NRG1: variants seen among roughly 807,000 people sequenced by gnomAD.
The protein encoded by NRG1 is pro-neuregulin-1, membrane-bound isoform.
In NRG1, 18 loss-of-function variants were observed where a neutral mutation model predicts 63.8. That is an observed-to-expected ratio of 0.28 (90% CI 0.19 to 0.42). NRG1 has a LOEUF of 0.42. NRG1 is among the 10% of genes least tolerant of loss of function. NRG1 has a pLI of 1.00. For missense variants in NRG1, 762 were observed against 814.7 expected, an observed-to-expected ratio of 0.94 and a Z score of 0.79; for synonymous variants, 302 against 301.3, an observed-to-expected ratio of 1.00 and a Z score of -0.02.
intron 5 of NRG1, among the ~76,000 whole-genome samples, chr8:32,617,608 A>G (rs749047907): frequency 2.0e-5 from 3 of 152,240 alleles, no homozygotes; most frequent in Non-Finnish European, 4.4e-5. Flanking sequence ...AGGGGAGTTT[A>G]TCAAACCTTG....
chr8:31,739,233 C>A (rs78090045), intron 1 of NRG1, among the ~76,000 whole-genome samples: 1 of 151,960 alleles, frequency 6.6e-6, no homozygotes. Flanking sequence ...GGTCTTCACG[C>A]GGCAAACCAA....
At chr8:32,772,828 T>TAAGAATAAGTA (rs1831897286), downstream of NRG1, among the ~76,000 whole-genome samples, 1 of 152,176 alleles carries the variant, frequency 6.6e-6, no homozygotes, top group Admixed American at 6.5e-5. Flanking sequence ...AGAGAGAAAA[T>TAAGAATAAGTA]GCTGTGCATG....
chr8:32,173,771 A>G (rs1039914257), intron 1 of NRG1, among the ~76,000 whole-genome samples: 1 of 152,186 alleles, frequency 6.6e-6, no homozygotes, highest in African/African-American at 2.4e-5. Flanking sequence ...TAAAGGGATC[A>G]ATTCAACAAG....
chr8:32,245,283 G>A (rs1447695268), intron 1 of NRG1, among the ~76,000 whole-genome samples: 1 of 152,130 alleles, frequency 6.6e-6, no homozygotes, highest in African/African-American at 2.4e-5. Flanking sequence ...ATTTTTCAGT[G>A]ACATCAAGTT....
At chr8:32,474,134 A>G (rs1422774980) in intron 1 of NRG1, among the ~76,000 whole-genome samples, 3 of 152,250 alleles carry the variant, frequency 2.0e-5, no homozygotes, top group African/African-American at 7.2e-5. Flanking sequence ...GCACTCATAT[A>G]AATTTTGATG....
At chr8:32,202,911 A>G (rs887007542) in intron 1 of NRG1, among the ~76,000 whole-genome samples, 5 of 151,476 alleles carry the variant, frequency 3.3e-5, no homozygotes, top group Non-Finnish European at 4.4e-5. Context: ...CAAAAACAGG[A>G]ATGCCTGTTC....
intron 1 of NRG1, among the ~76,000 whole-genome samples, chr8:31,834,803 GTGT>G (rs1486651048): frequency 7.9e-5 from 12 of 152,166 alleles, no homozygotes; most frequent in African/African-American, 2.2e-4. Context: ...CTCAGTGATT[GTGT>G]TGTTCTGTAG....
chr8:31,842,036 T>A (rs1826248292), intron 1 of NRG1, among the ~76,000 whole-genome samples: 1 of 152,228 alleles, frequency 6.6e-6, no homozygotes, highest in South Asian at 2.1e-4. Flanking sequence ...GAATTGCAGT[T>A]GCATAGTTTG....
At chr8:32,312,342 T>TTTTTTC (rs1856918520) in intron 1 of NRG1, among the ~76,000 whole-genome samples, 1 of 142,380 alleles carries the variant, frequency 7.0e-6, no homozygotes, top group Non-Finnish European at 1.5e-5. Flanking sequence ...TTTTTTTTTT[T>TTTTTTC]TTTTTTTTTT....
chr8:32,013,750 T>C (rs1815096717), intron 1 of NRG1, among the ~76,000 whole-genome samples: 1 of 152,126 alleles, frequency 6.6e-6, no homozygotes, highest in Non-Finnish European at 1.5e-5. Context: ...AGTGCAATCT[T>C]TGAGGGGAAC....
In NRG1 at chr8:32,521,372, T is replaced by G. The variant is rs140267771; in HGVS notation, c.38-74456T>G. On this transcript the variant is annotated intron_variant, in intron 1 of 10. Transcript: ENST00000519301. ...GTGCTCAGTATTCCAATATTTCATT[T>G]TGTAGATGTGAAAATTAAGGTAATC... Among the ~76,000 whole-genome samples, 382 of 152,270 alleles carry G rather than the reference T, an allele frequency of 2.5e-3. 4 individuals carry two copies. The highest frequency in any genetic ancestry group is 8.7e-3 in the African/African-American group (361 of 41,552).
chr8:31,708,144 G>A (rs1348978133), intron 1 of NRG1, among the ~76,000 whole-genome samples: 1 of 152,080 alleles, frequency 6.6e-6, no homozygotes, highest in African/African-American at 2.4e-5. Context: ...TCTCAGCCCC[G>A]CTTGTATTTA....
intron 1 of NRG1, among the ~76,000 whole-genome samples, chr8:31,778,271 C>G (rs918993141): frequency 3.3e-5 from 5 of 152,178 alleles, no homozygotes; most frequent in Non-Finnish European, 5.9e-5. Context: ...TCCTGTCGTA[C>G]TCTCTGCAAT....
intron 7 of NRG1, among the ~76,000 whole-genome samples, chr8:32,752,629 T>C (rs1035514163): frequency 6.6e-6 from 1 of 152,160 alleles, no homozygotes; most frequent in African/African-American, 2.4e-5. Flanking sequence ...TTTCCTCCCT[T>C]AGTATCAGGC....
At chr8:31,937,495 A>T (rs768564359) in intron 1 of NRG1, among the ~76,000 whole-genome samples, 2 of 152,216 alleles carry the variant, frequency 1.3e-5, no homozygotes, top group African/African-American at 2.4e-5. Context: ...ATTTGAATTT[A>T]AAAAATGGGA....
chr8:32,186,207 G>A (rs953523839), intron 1 of NRG1, among the ~76,000 whole-genome samples: 17 of 152,186 alleles, frequency 1.1e-4, no homozygotes, highest in Admixed American at 1.1e-3. Context: ...GCTCACGCCT[G>A]TAATCCCAAC....
chr8:32,726,419 A>G (rs2129012642), intron 5 of NRG1, among the ~76,000 whole-genome samples: 1 of 152,194 alleles, frequency 6.6e-6, no homozygotes, highest in African/African-American at 2.4e-5. Flanking sequence ...GGGAATATTG[A>G]GCATCTGAGT....
chr8:31,771,992 G>A (rs1265558080), intron 1 of NRG1, among the ~76,000 whole-genome samples: 1 of 152,170 alleles, frequency 6.6e-6, no homozygotes, highest in Non-Finnish European at 1.5e-5. Context: ...CCTAGGTCAA[G>A]CCTGTTCAAA....
At chr8:31,736,313 A>C (rs1387827801) in intron 1 of NRG1, among the ~76,000 whole-genome samples, 1 of 152,098 alleles carries the variant, frequency 6.6e-6, no homozygotes, top group African/African-American at 2.4e-5. Context: ...TTCTGTCCAC[A>C]TGCCACTTTC....
Sources: allele counts gnomAD v4.1 joint callset (sites outside exome capture counted in the v4.1 genomes callset), GRCh38; gene constraint gnomAD v4.1.1; transcripts MANE v1.5; gene names NCBI Gene and HGNC (gene_info 2026-07-23, HGNC 2026-07-21).